The following ERBB4 variants were observed in gnomAD, a reference collection of about 807,000 sequenced individuals.
ERBB4 encodes the protein erb-b2 receptor tyrosine kinase 4.
A neutral mutation model predicts 158.0 loss-of-function variants in ERBB4; 42 were observed. The observed-to-expected ratio is 0.27, with a 90% CI of 0.21 to 0.34. The LOEUF is 0.34. Among genes scored for constraint, ERBB4 ranks in the 10% least tolerant of loss-of-function variants. The pLI, the probability that ERBB4 is intolerant of heterozygous loss-of-function variation, is 1.00. For missense variants in ERBB4, 1,333 were observed against 1,624.1 expected (o/e 0.82, Z 3.08); for synonymous variants, 583 against 558.7 (o/e 1.04, Z -0.61).
In ERBB4 at chr2:212,455,323, G is replaced by A. The variant is rs573868739; in HGVS notation, c.82+83126C>T. ...TATGCTTCTTTCCATTCTCTCATTAGGTGATCTCATGTATGAATATGCATC... is the reference window on the plus strand; with the variant it reads ...TATGCTTCTTTCCATTCTCTCATTAAGTGATCTCATGTATGAATATGCATC... On this transcript the variant is annotated intron_variant, in intron 1 of 27. Coordinates refer to ENST00000342788, the MANE Select transcript of ERBB4 (RefSeq NM_005235.3). 1.8e-4 allele frequency among the ~76,000 whole-genome samples: 27 copies of A among 152,148 alleles called. No individual in the cohort carries two copies. The East Asian group carries it at 5.2e-3, about 29-fold the overall frequency.
At chr2:211,698,113 T>A (rs2073091492) in intron 12 of ERBB4, among the ~76,000 whole-genome samples, 1 of 151,988 alleles carries the variant, frequency 6.6e-6, no homozygotes, top group South Asian at 2.1e-4. Context: ...GATCAGGAGT[T>A]CAAGACCAGC....
chr2:211,408,708 G>A (rs2063194683), intron 25 of ERBB4, among the ~76,000 whole-genome samples: 1 of 152,120 alleles, frequency 6.6e-6, no homozygotes, highest in African/African-American at 2.4e-5. Context: ...TCTCTTTGGA[G>A]CCGGAAGACC....
chr2:212,378,092 G>T (rs1003872103), intron 1 of ERBB4, among the ~76,000 whole-genome samples: 1 of 151,764 alleles, frequency 6.6e-6, no homozygotes, highest in Non-Finnish European at 1.5e-5. Flanking sequence ...ACGGGTAATA[G>T]CACGCATGGT....
intron 2 of ERBB4, among the ~76,000 whole-genome samples, chr2:212,009,061 GTTTTT>G (rs2076321390): frequency 7.1e-6 from 1 of 141,566 alleles, no homozygotes; most frequent in Non-Finnish European, 1.5e-5. Context: ...TTAGTTATAT[GTTTTT>G]CTAAACAGAA....
chr2:212,199,335 T>C (rs1277885635), intron 1 of ERBB4, among the ~76,000 whole-genome samples: 1 of 152,210 alleles, frequency 6.6e-6, no homozygotes, highest in Non-Finnish European at 1.5e-5. Context: ...ATTAAGGTAA[T>C]AGTAGCAGCT....
At position 211,772,836 on chromosome 2, in the gene ERBB4, C is replaced by CAT. The variant is rs1421370283; in HGVS notation, c.556+15188_556+15189insAT. 1.8e-3 allele frequency among the ~76,000 whole-genome samples: 13 copies of CAT among 7,248 alleles called. 1 individual carries two copies. Among genetic ancestry groups the CAT allele is most frequent in the South Asian group, 9.8e-3 (2 of 204 alleles). 4.8% of individuals were successfully genotyped at this position (7,248 alleles called of 152,430 possible). ...ATATATATATATATATATATATATA[C>CAT]ACATATATATATATATATATATATA... On this transcript the variant is annotated intron_variant, in intron 4 of 27. Coordinates refer to ENST00000342788, the MANE Select transcript of ERBB4 (RefSeq NM_005235.3).
intron 1 of ERBB4, among the ~76,000 whole-genome samples, chr2:212,385,499 C>G (rs181073528): frequency 6.6e-6 from 1 of 151,808 alleles, no homozygotes; most frequent in Non-Finnish European, 1.5e-5. Context: ...TCACCTTTAT[C>G]TGTACAAATT....
chr2:211,866,185 G>C (rs907111801), intron 3 of ERBB4, among the ~76,000 whole-genome samples: 25 of 152,054 alleles, frequency 1.6e-4, no homozygotes, highest in Non-Finnish European at 4.4e-5. Context: ...CGGGAGGCGG[G>C]GCTTGCAGTG....
At chr2:211,764,091 C>T (rs13013901) in intron 4 of ERBB4, among the ~76,000 whole-genome samples, 19,591 of 152,124 alleles carry the variant, frequency 0.13, 1,454 homozygotes, top group East Asian at 0.31. Context: ...AAATGTCTTG[C>T]TGTAGAATGT....
intron 20 of ERBB4, among the ~76,000 whole-genome samples, chr2:211,507,958 C>T (rs1392043843): frequency 2.0e-5 from 3 of 152,072 alleles, no homozygotes; most frequent in African/African-American, 7.2e-5. Flanking sequence ...TGGACCCTTT[C>T]CTTACACCTT....
chr2:211,380,136 G>C lies in ERBB4; in HGVS notation c.*3479C>G, dbSNP rs1275810397. On this transcript the variant is annotated 3_prime_UTR_variant, in exon 28 of 28. Transcript: ENST00000342788. The stretch of plus-strand genomic sequence containing the variant: ...TTTGTGTGTTTTAATAGAAATTTGA[G>C]TTTTGCGTTGTTTTTCATGCTATTT... 4 of 231,864 alleles carry C rather than the reference G, an allele frequency of 1.7e-5. No homozygotes were observed. Among genetic ancestry groups the C allele is most frequent in the Non-Finnish European group, 2.6e-5 (3 of 117,344 alleles). The allele number at this position is 231,864 out of a possible 1,614,324, so 14.4% of individuals were successfully genotyped here.
chr2:212,394,754 A>G (rs185254697), intron 1 of ERBB4, among the ~76,000 whole-genome samples: 6 of 152,276 alleles, frequency 3.9e-5, no homozygotes, highest in Admixed American at 3.9e-4. Context: ...TGATTGTGAA[A>G]GCCCTGTAAC....
chr2:211,784,751 T>C lies in ERBB4; in HGVS notation c.556+3274A>G, dbSNP rs373811370. On this transcript the variant is annotated intron_variant, in intron 4 of 27. Coordinates refer to ENST00000342788, the MANE Select transcript of ERBB4 (RefSeq NM_005235.3). ...TTCCAATTTCTTCACCTCCTCACAT[T>C]TGTTATTTTCTTTTTTATATTTTAA... is the stretch of plus-strand genomic sequence containing the variant. Among the ~76,000 whole-genome samples, 44 of 152,284 alleles carry C rather than the reference T, an allele frequency of 2.9e-4. No individual in the cohort carries two copies. The East Asian group carries it at 8.5e-3, about 29-fold the overall frequency.
chr2:212,405,431 C>T (rs1362238397), intron 1 of ERBB4, among the ~76,000 whole-genome samples: 1 of 152,000 alleles, frequency 6.6e-6, no homozygotes, highest in Non-Finnish European at 1.5e-5. Flanking sequence ...TACAGTGATT[C>T]CTCAGAGAAC....
chr2:211,706,601 CAA>C (rs201615846), intron 9 of ERBB4, among the ~76,000 whole-genome samples: 5 of 94,464 alleles, frequency 5.3e-5, no homozygotes, highest in African/African-American at 3.8e-5. Context: ...CTTAAAAAAA[CAA>C]AAAAAAAAAA....
intron 1 of ERBB4, among the ~76,000 whole-genome samples, chr2:212,392,880 G>C (rs1459662998): frequency 6.6e-6 from 1 of 152,026 alleles, no homozygotes; most frequent in Non-Finnish European, 1.5e-5. Context: ...GATGGCATCA[G>C]AGATTTATTA....
At chr2:211,862,832 G>C (rs1022421045) in intron 3 of ERBB4, among the ~76,000 whole-genome samples, 1 of 152,198 alleles carries the variant, frequency 6.6e-6, no homozygotes, top group African/African-American at 2.4e-5. Flanking sequence ...AAGCCAGTTG[G>C]ACTTCCTGGG....
intron 1 of ERBB4, among the ~76,000 whole-genome samples, chr2:212,308,690 A>G (rs538957286): frequency 1.1e-4 from 17 of 151,176 alleles, no homozygotes; most frequent in Admixed American, 9.9e-4. Context: ...CCTAAATCCT[A>G]TGAGTTCTCT....
At chr2:212,127,058 A>G (rs2079952752) in intron 1 of ERBB4, among the ~76,000 whole-genome samples, 1 of 152,192 alleles carries the variant, frequency 6.6e-6, no homozygotes, top group Admixed American at 6.5e-5. Context: ...GTTACCAGCT[A>G]AATTGTGTGT....
Sources: allele counts gnomAD v4.1 joint callset (sites outside exome capture counted in the v4.1 genomes callset), GRCh38; gene constraint gnomAD v4.1.1; transcripts MANE v1.5; gene names NCBI Gene and HGNC (gene_info 2026-07-23, HGNC 2026-07-21).